TMEM182: variants seen among roughly 807,000 people sequenced by gnomAD.
TMEM182 encodes transmembrane protein 182.
Under a neutral mutation model 26.8 loss-of-function variants are expected in TMEM182, and 20 were observed. The ratio of observed to expected loss-of-function variants is 0.75; its 90% CI spans 0.53 to 1.09. The LOEUF (loss-of-function observed/expected upper bound fraction) is 1.09, where lower values mean the gene tolerates loss of function less well. Ranked by LOEUF, TMEM182 falls within the 50% of genes least tolerant of loss-of-function variation. The pLI, the probability that TMEM182 is intolerant of heterozygous loss-of-function variation, is 0.00. For synonymous variants in TMEM182, 109 were observed against 102.2 expected, an observed-to-expected ratio of 1.07 and a Z score of -0.40; for missense variants, 277 against 275.5, an observed-to-expected ratio of 1.01 and a Z score of -0.04.
chr2:102,737,122 C>G, intron 1 of TMEM182: 1 of 332,120 alleles, frequency 3.0e-6, no homozygotes, highest in Non-Finnish European at 5.5e-6. Flanking sequence ...TATTGAGCTT[C>G]ACTTCCTCCT....
chr2:102,762,403 A>T, intron 1 of TMEM182, 54 bp downstream of exon 1: 2 of 1,605,772 alleles, frequency 1.2e-6, no homozygotes, highest in South Asian at 1.1e-5. Context: ...AGATACCCTT[A>T]TGTATGCTCT....
chr2:102,747,371 A>G (rs984710103), intron 1 of TMEM182, among the ~76,000 whole-genome samples: 4 of 152,222 alleles, frequency 2.6e-5, no homozygotes, highest in Non-Finnish European at 5.9e-5. Flanking sequence ...GGTGTAGAAG[A>G]TAATACAGAC....
chr2:102,776,109 A>G (rs760643067), intron 3 of TMEM182, among the ~76,000 whole-genome samples: 38 of 152,270 alleles, frequency 2.5e-4, no homozygotes, highest in Non-Finnish European at 4.7e-4. Flanking sequence ...CCCACCACCT[A>G]CACAGTTTCT....
intron 2 of TMEM182, among the ~76,000 whole-genome samples, chr2:102,763,593 T>G (rs1247179172): frequency 6.6e-6 from 1 of 152,194 alleles, no homozygotes; most frequent in Non-Finnish European, 1.5e-5. Flanking sequence ...AGCAGCGTTT[T>G]GAGGCAAGTA....
At chr2:102,831,172 T>C (rs1683141586) in intron 3 of TMEM182, among the ~76,000 whole-genome samples, 1 of 152,112 alleles carries the variant, frequency 6.6e-6, no homozygotes, top group Admixed American at 6.5e-5. Context: ...AACATAGGAG[T>C]GCAGATGTCT....
At chr2:102,790,541 C>T (rs1558773588) in intron 3 of TMEM182, among the ~76,000 whole-genome samples, 1 of 152,168 alleles carries the variant, frequency 6.6e-6, no homozygotes, top group African/African-American at 2.4e-5. Context: ...CACAAAAAGG[C>T]ACATAGATAT....
chr2:102,784,637 G>C (rs879867610), intron 3 of TMEM182, among the ~76,000 whole-genome samples: 1 of 152,218 alleles, frequency 6.6e-6, no homozygotes, highest in African/African-American at 2.4e-5. Flanking sequence ...TAAAAGAATG[G>C]CTACTCCATA....
intron 1 of TMEM182, among the ~76,000 whole-genome samples, chr2:102,738,526 A>G (rs1247894168): frequency 6.6e-6 from 1 of 152,174 alleles, no homozygotes; most frequent in Non-Finnish European, 1.5e-5. Flanking sequence ...CGGGAGGCAG[A>G]GGTTGCAGTG....
Position 102,786,058 on chromosome 2 carries a change from TTTA to T in TMEM182, c.332-11804_332-11802del, listed in dbSNP as rs1007026838. ...GTAGATTGATTTTTTTTTTTTTTTT[TTTA>T]AGGAAATCAGTGAATGAGGAAATTT... On this transcript the variant is annotated intron_variant, in intron 3 of 4. Coordinates refer to ENST00000412401, the MANE Select transcript of TMEM182 (RefSeq NM_144632.5). Among the ~76,000 whole-genome samples the T allele has an allele frequency of 2.7e-4, 41 of 151,654 alleles. 1 individual carries two copies. The highest frequency in any genetic ancestry group is 9.2e-4 in the African/African-American group (38 of 41,300).
upstream of TMEM182, chr2:102,758,479 C>G: frequency 2.8e-6 from 2 of 717,136 alleles, no homozygotes; most frequent in Non-Finnish European, 2.6e-6. Context: ...CCATGGTAAG[C>G]TCCATTTCAT....
intron 3 of TMEM182, among the ~76,000 whole-genome samples, chr2:102,835,279 A>ATAC (rs1683223212): frequency 6.6e-6 from 1 of 152,202 alleles, no homozygotes; most frequent in African/African-American, 2.4e-5. Flanking sequence ...GATAATAATA[A>ATAC]TCGTGACTCG....
At chr2:102,768,523 TA>T (rs748149757) in intron 3 of TMEM182, among the ~76,000 whole-genome samples, 243 of 115,952 alleles carry the variant, frequency 2.1e-3, no homozygotes, top group South Asian at 5.9e-3. Context: ...CTATCTGTAC[TA>T]AAAAAAAAAA....
chr2:102,745,262 T>G (rs566905231), intron 1 of TMEM182, among the ~76,000 whole-genome samples: 15 of 152,264 alleles, frequency 9.9e-5, no homozygotes, highest in African/African-American at 3.4e-4. Context: ...ATATCTGGAA[T>G]TTACATTTGA....
At chr2:102,784,305 A>T (rs1193432734) in intron 3 of TMEM182, among the ~76,000 whole-genome samples, 1 of 152,160 alleles carries the variant, frequency 6.6e-6, no homozygotes, top group Non-Finnish European at 1.5e-5. Context: ...AAAAAGCATC[A>T]GGAAAATATA....
chr2:102,788,843 G>T (rs774028823), intron 3 of TMEM182, among the ~76,000 whole-genome samples: 3 of 152,174 alleles, frequency 2.0e-5, no homozygotes, highest in African/African-American at 7.2e-5. Context: ...AGAGTTCTTA[G>T]CGTCCAGAAA....
At chr2:102,807,825 G>A (rs759827409) in intron 4 of TMEM182, among the ~76,000 whole-genome samples, 5 of 152,120 alleles carry the variant, frequency 3.3e-5, no homozygotes, top group South Asian at 2.1e-4. Flanking sequence ...AAGGTTCCTC[G>A]TTGTTAAAAT....
chr2:102,802,670 G>A (rs1036335377), intron 4 of TMEM182, among the ~76,000 whole-genome samples: 2 of 152,160 alleles, frequency 1.3e-5, no homozygotes, highest in Non-Finnish European at 2.9e-5. Flanking sequence ...TCTAAACATT[G>A]GCTTATATGA....
upstream of TMEM182, among the ~76,000 whole-genome samples, chr2:102,758,646 G>C (rs551625101): frequency 1.3e-5 from 2 of 152,298 alleles, no homozygotes; most frequent in South Asian, 4.1e-4. Flanking sequence ...TAGATTGCCA[G>C]TTGGATTGCT....
At chr2:102,823,971 G>A (rs1305666211) in intron 3 of TMEM182, among the ~76,000 whole-genome samples, 1 of 152,152 alleles carries the variant, frequency 6.6e-6, no homozygotes, top group African/African-American at 2.4e-5. Flanking sequence ...CCATTTTTGA[G>A]CCAGAAAAAT....
Sources: gnomAD v4.1 joint callset for allele counts (sites outside exome capture counted in the v4.1 genomes callset) on GRCh38, gnomAD v4.1.1 for gene constraint, MANE v1.5 for transcripts, NCBI Gene and HGNC (gene_info 2026-07-23, HGNC 2026-07-21) for gene names.